THRSP: variants seen among roughly 807,000 people sequenced by gnomAD.
THRSP encodes the protein thyroid hormone responsive.
Under a neutral mutation model 11.1 loss-of-function variants are expected in THRSP, and 9 were observed. The observed-to-expected ratio is 0.81, with a 90% confidence interval of 0.49 to 1.42. The LOEUF (loss-of-function observed/expected upper bound fraction) is 1.42, where lower values mean the gene tolerates loss of function less well. Ranked by LOEUF, THRSP falls within the 40% of genes most tolerant of loss-of-function variation. The pLI, the probability that THRSP is intolerant of heterozygous loss-of-function variation, is 0.00. For synonymous variants in THRSP, 73 were observed against 78.1 expected (o/e 0.94, Z 0.34); for missense variants, 177 against 188.2 (o/e 0.94, Z 0.35).
chr11:78,064,176 G>A lies in THRSP; in HGVS notation c.295G>A (p.Glu99Lys), dbSNP rs145822616. 1.5e-5 allele frequency: 25 copies of A among 1,614,018 alleles called. No homozygotes were observed. The South Asian group carries it at 1.9e-4, about 12-fold the overall frequency. The change falls in exon 1 of 2, where the codon GAG becomes AAG. Residue 99 changes from glutamate (E) to lysine (K), a missense_variant. Transcript: ENST00000281030. ...ENGTAETEEV[E>K]DESASGELDL... ...TGGAACCGCAGAGACAGAGGAAGTC[G>A]AGGACGAGAGTGCCTCAGGAGAGCT...
chr11:78,064,057 A>G lies in THRSP; in HGVS notation c.176A>G (p.Tyr59Cys). 6.2e-7 allele frequency: 1 copy of G among 1,614,210 alleles called. No individual in the cohort carries two copies. Among genetic ancestry groups the G allele is most frequent in the South Asian group, 1.1e-5 (1 of 91,084 alleles). ...AQAEAPDLYT[Y>C]FTMLKAICVD... is the part of the protein sequence containing the mutation. ...GCTGAGGCCCCTGATCTCTACACCT[A>G]CTTCACCATGCTCAAGGCCATCTGT... The change falls in exon 1 of 2, where the codon TAC (tyrosine) becomes TGC (cysteine). Residue 59 changes from tyrosine (Y) to cysteine (C), a missense_variant. Tyr to Cys is a radical substitution (Grantham distance 194, BLOSUM62 -2). Transcript: ENST00000281030.
chr11:78,064,181 C>T lies in THRSP; in HGVS notation c.300C>T (p.Asp100=), dbSNP rs138645294. The change falls in exon 1 of 2, where the codon GAC becomes GAT. Residue 100 remains aspartate, a synonymous_variant. Coordinates refer to ENST00000281030, the MANE Select transcript of THRSP (RefSeq NM_003251.4). ...CCGCAGAGACAGAGGAAGTCGAGGA[C>T]GAGAGTGCCTCAGGAGAGCTGGACC... ...NGTAETEEVE[D]ESASGELDLE... 1,092 of 1,614,134 alleles carry T rather than the reference C, an allele frequency of 6.8e-4. 2 individuals carry two copies. The highest frequency in any genetic ancestry group is 1.0e-3 in the South Asian group (92 of 91,074).
Position 78,064,114 on chromosome 11 carries a change from A to G in THRSP, c.233A>G (p.Glu78Gly), listed in dbSNP as rs1308006035. 1.2e-6 allele frequency: 2 copies of G among 1,613,960 alleles called. No individual in the cohort carries two copies. Among genetic ancestry groups the G allele is most frequent in the African/African-American group, 2.7e-5 (2 of 74,898 alleles). Residue 78 changes from glutamate (E) to glycine (G), a missense_variant, in exon 1 of 2, where the codon GAG becomes GGG. Transcript: ENST00000281030. ...VDVDHGLLPR[E>G]EWQAKVAGSE... The stretch of plus-strand genomic sequence containing the variant: ...GTGGACCATGGGCTGCTGCCGCGGG[A>G]GGAGTGGCAGGCCAAGGTGGCAGGC...
intron 1 of THRSP, among the ~76,000 whole-genome samples, chr11:78,067,152 G>T (rs571882410): frequency 1.4e-4 from 15 of 106,906 alleles, no homozygotes; most frequent in African/African-American, 5.7e-4. Flanking sequence ...ATGGAGTCTT[G>T]CTCTTGTCAC....
In THRSP at chr11:78,063,960, A is replaced by G. The variant is rs760608903; in HGVS notation, c.79A>G (p.Met27Val). ...CCGGTATGCAGCCGAGGTGCACAAC[A>G]TGGAGCAGGTGGTGATGATCCCCAG... ...MDRYAAEVHN[M>V]EQVVMIPSLL... Residue 27 changes from methionine (M) to valine (V), a missense_variant, in exon 1 of 2, where the codon ATG (methionine) becomes GTG (valine). By Grantham distance (21) the Met-to-Val change is conservative. Coordinates refer to ENST00000281030, the MANE Select transcript of THRSP (RefSeq NM_003251.4). 7 of 1,613,778 alleles carry G rather than the reference A, an allele frequency of 4.3e-6. No homozygotes were observed. The highest frequency in any genetic ancestry group is 1.1e-5 in the South Asian group (1 of 91,072).
At chr11:78,067,187 C>A (rs11237376) in intron 1 of THRSP, among the ~76,000 whole-genome samples, 509 of 148,052 alleles carry the variant, frequency 3.4e-3, no homozygotes, top group African/African-American at 0.012. Context: ...AGTGGCGCCA[C>A]CTTGGCTCAC....
At chr11:78,067,348 C>T (rs891919412) in intron 1 of THRSP, among the ~76,000 whole-genome samples, 2 of 151,048 alleles carry the variant, frequency 1.3e-5, no homozygotes, top group African/African-American at 4.9e-5. Context: ...TCTCGAACTC[C>T]TGACCTCAAA....
intron 1 of THRSP, among the ~76,000 whole-genome samples, chr11:78,066,171 C>G (rs528293556): frequency 3.3e-5 from 5 of 152,164 alleles, no homozygotes; most frequent in East Asian, 1.9e-4. Context: ...CATCCCCCCC[C>G]ACCTTTTTAA....
chr11:78,066,045 T>G (rs1241193969), intron 1 of THRSP, among the ~76,000 whole-genome samples: 1 of 152,264 alleles, frequency 6.6e-6, no homozygotes, highest in Admixed American at 6.5e-5. Context: ...GGCAAGCTAA[T>G]TCATTTCTCT....
intron 1 of THRSP, among the ~76,000 whole-genome samples, chr11:78,066,416 C>T (rs550235456): frequency 5.9e-5 from 9 of 152,220 alleles, no homozygotes; most frequent in Admixed American, 2.6e-4. Flanking sequence ...CCACCTGCCT[C>T]GGCCTCCCGA....
intron 1 of THRSP, among the ~76,000 whole-genome samples, chr11:78,066,163 T>TC (rs202058028): frequency 7.3e-4 from 111 of 152,030 alleles, no homozygotes; most frequent in African/African-American, 1.4e-3. Context: ...GGAATTATCA[T>TC]CCCCCCCCAC....
intron 1 of THRSP, among the ~76,000 whole-genome samples, chr11:78,065,668 A>C (rs999304810): frequency 6.6e-5 from 10 of 152,238 alleles, no homozygotes; most frequent in African/African-American, 2.2e-4. Flanking sequence ...TGACTCACCC[A>C]AAGTCACACA....
rs755504447 is a variant in THRSP, at chr11:78,064,142, C to T, written c.261C>T (p.Ser87=). ...AGTGGCAGGCCAAGGTGGCAGGCAG[C>T]GAAGAGAATGGAACCGCAGAGACAG... ...REEWQAKVAG[S]EENGTAETEE... The change falls in exon 1 of 2, where the codon AGC becomes AGT. Residue 87 remains serine (S), a synonymous_variant. Transcript: ENST00000281030. The T allele has an allele frequency of 1.1e-5, 18 of 1,613,978 alleles. No homozygotes were observed. The East Asian group carries it at 2.5e-4, about 22-fold the overall frequency.
In THRSP at chr11:78,064,259, C is replaced by T. The variant is rs757405958; in HGVS notation, c.378C>T (p.His126=). The change falls in exon 1 of 2, where the codon CAC becomes CAT. Residue 126 remains histidine (H), a synonymous_variant. Coordinates refer to ENST00000281030, the MANE Select transcript of THRSP (RefSeq NM_003251.4). Reference sequence around the variant, plus strand: ...CCAGCCTCCATCACATCCTCATGCACCTCACCGAGAAAGCCCAGGAGGTGA... The same window carrying T: ...CCAGCCTCCATCACATCCTCATGCATCTCACCGAGAAAGCCCAGGAGGTGA... ...HFSSLHHILM[H]LTEKAQEVTR... is the part of the protein sequence containing the mutation. 8 of 1,613,924 alleles carry T rather than the reference C, an allele frequency of 5.0e-6. No individual in the cohort carries two copies. In the South Asian group the frequency reaches 5.5e-5, roughly 11 times the overall value.
At position 78,067,962 on chromosome 11, in the gene THRSP, G is replaced by A. The variant is rs899013413; in HGVS notation, c.*323G>A. On this transcript the variant is annotated 3_prime_UTR_variant, in exon 2 of 2. Transcript: ENST00000281030. ...GTATGGTAGGAAGAGTGTAGGTGTT[G>A]GCACGTGACCAAAATTCACATCCCT... The A allele has an allele frequency of 2.6e-5, 4 of 152,114 alleles. No homozygotes were observed. Among genetic ancestry groups the A allele is most frequent in the Non-Finnish European group, 5.9e-5 (4 of 68,024 alleles). The allele number at this position is 152,114 out of a possible 1,614,324, so 9.4% of individuals were successfully genotyped here. A position where few individuals can be genotyped will look rare whatever the true frequency, so the allele number is the denominator to read the frequency against.
In THRSP at chr11:78,063,934, A is replaced by T; in HGVS notation, c.53A>T (p.Asp18Val). ...YPKNCLLTVM[D>V]RYAAEVHNME... Reference sequence around the variant, plus strand: ...AAGAACTGCCTGCTGACCGTCATGGACCGGTATGCAGCCGAGGTGCACAAC... The same window carrying T: ...AAGAACTGCCTGCTGACCGTCATGGTCCGGTATGCAGCCGAGGTGCACAAC... Residue 18 changes from aspartate (D) to valine (V), a missense_variant, in exon 1 of 2, where the codon GAC becomes GTC. Coordinates refer to ENST00000281030, the MANE Select transcript of THRSP (RefSeq NM_003251.4). The T allele has an allele frequency of 6.2e-7, 1 of 1,609,744 alleles. No homozygotes were observed. The highest frequency in any genetic ancestry group is 8.5e-7 in the Non-Finnish European group (1 of 1,178,002).
At position 78,064,186 on chromosome 11, in the gene THRSP, G is replaced by A; in HGVS notation, c.305G>A (p.Ser102Asn). ...GAGACAGAGGAAGTCGAGGACGAGA[G>A]TGCCTCAGGAGAGCTGGACCTGGAA... ...TAETEEVEDE[S>N]ASGELDLEAQ... The change falls in exon 1 of 2, where the codon AGT becomes AAT. Residue 102 changes from serine (S) to asparagine (N), a missense_variant. Transcript: ENST00000281030. 4 of 1,614,186 alleles carry A rather than the reference G, an allele frequency of 2.5e-6. No homozygotes were observed. The highest frequency in any genetic ancestry group is 1.3e-5 in the African/African-American group (1 of 75,042).
At chr11:78,065,815 C>T in intron 1 of THRSP, among the ~76,000 whole-genome samples, 1 of 152,180 alleles carries the variant, frequency 6.6e-6, no homozygotes, top group Non-Finnish European at 1.5e-5. Flanking sequence ...AACATGGGAC[C>T]CCCAAACACA....
intron 1 of THRSP, among the ~76,000 whole-genome samples, chr11:78,065,445 A>G (rs1375904438): frequency 6.6e-6 from 1 of 152,172 alleles, no homozygotes; most frequent in South Asian, 2.1e-4. Flanking sequence ...TAGTTCACTC[A>G]TGGATAAAGA....
Sources: allele counts gnomAD v4.1 joint callset (sites outside exome capture counted in the v4.1 genomes callset), GRCh38; gene constraint gnomAD v4.1.1; transcripts MANE v1.5; gene names NCBI Gene and HGNC (gene_info 2026-07-23, HGNC 2026-07-21).